The following AOPEP variants were observed in gnomAD, a reference collection of about 807,000 sequenced individuals.
AOPEP encodes the protein aminopeptidase O (putative).
In AOPEP, 77 loss-of-function variants were observed where a neutral mutation model predicts 98.1. The ratio of observed to expected loss-of-function variants is 0.78; its 90% CI spans 0.65 to 0.95. The LOEUF (loss-of-function observed/expected upper bound fraction) is 0.95. Among genes scored for constraint, AOPEP ranks in the 40% least tolerant of loss-of-function variants. The probability of loss-of-function intolerance (pLI) is 0.00; values close to 1 mark genes in which losing one functional copy is unlikely to be tolerated. For missense variants in AOPEP, 1,024 were observed against 1,024.7 expected (o/e 1.00, Z 0.01); for synonymous variants, 346 against 365.3 (o/e 0.95, Z 0.60).
intron 5 of AOPEP, among the ~76,000 whole-genome samples, chr9:94,914,091 G>A (rs747786629): frequency 2.0e-5 from 3 of 152,184 alleles, no homozygotes; most frequent in Non-Finnish European, 4.4e-5. Flanking sequence ...TAAGGGGCCA[G>A]GCAGCAATAT....
At chr9:95,034,548 G>A (rs1202785452) in intron 13 of AOPEP, among the ~76,000 whole-genome samples, 2 of 152,232 alleles carry the variant, frequency 1.3e-5, no homozygotes, top group Non-Finnish European at 1.5e-5. Context: ...ATTTGAAAAG[G>A]AGAGATAATC....
At chr9:94,860,420 C>T (rs1488892649) in intron 5 of AOPEP, among the ~76,000 whole-genome samples, 5 of 152,040 alleles carry the variant, frequency 3.3e-5, no homozygotes, top group African/African-American at 9.7e-5. Flanking sequence ...GTGGGCAGGT[C>T]GTGACCTGGC....
At chr9:95,046,504 A>T (rs1168859474) in intron 13 of AOPEP, among the ~76,000 whole-genome samples, 2 of 152,188 alleles carry the variant, frequency 1.3e-5, no homozygotes, top group Non-Finnish European at 2.9e-5. Context: ...TTTTTAAGGG[A>T]ATTATATTTA....
At chr9:95,075,552 A>G (rs947198393) in intron 14 of AOPEP, among the ~76,000 whole-genome samples, 1 of 152,214 alleles carries the variant, frequency 6.6e-6, no homozygotes, top group Non-Finnish European at 1.5e-5. Flanking sequence ...GGTAAAGAAT[A>G]TGAATAGACA....
chr9:94,759,108 C>G (rs1837694317), intron 1 of AOPEP, among the ~76,000 whole-genome samples: 2 of 152,084 alleles, frequency 1.3e-5, no homozygotes, highest in African/African-American at 4.8e-5. Context: ...GGCTCATTTT[C>G]CTGTAATTTA....
rs905136220 is a variant in AOPEP at position 94,980,364 on chromosome 9, G to A, written c.1977+937G>A. ...GTCATGGGCCTTGGCATCTGGGGGC[G>A]GTCCCGTGTGGTGAGGCAGGCCCTG... On this transcript the variant is annotated intron_variant, in intron 11 of 16. Transcript: ENST00000375315. The surrounding 1 kb of genome is among the most constrained non-coding windows in gnomAD (Gnocchi z 4.3). 1.2e-4 allele frequency among the ~76,000 whole-genome samples: 19 copies of A among 152,346 alleles called. No homozygotes were observed. The highest frequency in any genetic ancestry group is 2.9e-4 in the African/African-American group (12 of 41,584).
chr9:94,977,984 G>A (rs1418504475), intron 10 of AOPEP, among the ~76,000 whole-genome samples: 2 of 152,150 alleles, frequency 1.3e-5, no homozygotes, highest in East Asian at 1.9e-4. Flanking sequence ...TAGGGAGGAC[G>A]AGGGGCACCA....
At chr9:94,932,837 A>C (rs945391380) in intron 7 of AOPEP, 90 of 985,186 alleles carry the variant, frequency 9.1e-5, no homozygotes, top group Non-Finnish European at 9.9e-5. Context: ...GATGTGTCTG[A>C]GATTGACTTC....
At chr9:94,991,926 C>G (rs572107385) in intron 11 of AOPEP, among the ~76,000 whole-genome samples, 10 of 152,344 alleles carry the variant, frequency 6.6e-5, no homozygotes, top group African/African-American at 2.4e-4. Flanking sequence ...TGGAAAGATA[C>G]AGCCATTCCT....
At chr9:94,943,824 G>A (rs1479826678) in intron 7 of AOPEP, among the ~76,000 whole-genome samples, 2 of 148,320 alleles carry the variant, frequency 1.3e-5, no homozygotes, top group Admixed American at 1.4e-4. Flanking sequence ...GGAGGCTGAG[G>A]CAGGAGAATC....
chr9:95,061,345 G>T lies in AOPEP; in HGVS notation c.2232+535G>T, dbSNP rs144984971. Among the ~76,000 whole-genome samples, 590 of 152,234 alleles carry T rather than the reference G, an allele frequency of 3.9e-3. 17 individuals are homozygous for T. The East Asian group carries it at 0.051, about 13-fold the overall frequency. ...TGTGAATCCTAAGACAAATTCCAGGGTTTTAAAAAAATACAAAATAGTAAA... is the reference window on the plus strand; with the variant it reads ...TGTGAATCCTAAGACAAATTCCAGGTTTTTAAAAAAATACAAAATAGTAAA... On this transcript the variant is annotated intron_variant, in intron 14 of 16. Transcript: ENST00000375315.
chr9:94,975,352 G>A (rs2059778278), intron 10 of AOPEP, among the ~76,000 whole-genome samples: 1 of 152,194 alleles, frequency 6.6e-6, no homozygotes, highest in South Asian at 2.1e-4. Flanking sequence ...TCAATAAGCA[G>A]TAGCTTCTAG....
In AOPEP at chr9:95,085,836, A is replaced by G. The variant is rs111914249; in HGVS notation, c.*5-846A>G. The G allele has an allele frequency of 3.9e-3, 4,250 of 1,102,138 alleles. 138 individuals carry two copies. In the East Asian group the frequency reaches 0.07, roughly 18 times the overall value. The allele number at this position is 1,102,138 out of a possible 1,614,324, so 68.3% of individuals were successfully genotyped here. A position where few individuals can be genotyped will look rare whatever the true frequency, so the allele number is the denominator to read the frequency against. ...TGCATCACCTAAGTCGTGTGAAATC[A>G]TGTGGTAGCTCATGGCTGTGAGCGG... is the stretch of plus-strand genomic sequence containing the variant. On this transcript the variant is annotated intron_variant, in intron 16 of 16. Transcript: ENST00000375315.
At chr9:94,902,993 T>A (rs1347928006) in intron 5 of AOPEP, among the ~76,000 whole-genome samples, 1 of 39,830 alleles carries the variant, frequency 2.5e-5, no homozygotes, top group Non-Finnish European at 4.7e-5. Context: ...GATTTTTTTT[T>A]TTTTGAAGAC....
the AOPEP span, among the ~76,000 whole-genome samples, chr9:95,139,692 G>A: frequency 3.3e-5 from 5 of 151,712 alleles, no homozygotes; most frequent in East Asian, 9.8e-4. Flanking sequence ...AGCAGACAAT[G>A]GCTTTATATG....
At chr9:94,958,555 G>A (rs2058619436) in intron 9 of AOPEP, among the ~76,000 whole-genome samples, 2 of 152,076 alleles carry the variant, frequency 1.3e-5, no homozygotes, top group Admixed American at 6.5e-5. Flanking sequence ...AACACTTAAT[G>A]CCCTCTGGAT....
At chr9:95,101,366 G>C in the AOPEP span, 1 of 407,650 alleles carries the variant, frequency 2.5e-6, no homozygotes, top group Admixed American at 3.8e-5. Flanking sequence ...TTAAATAATA[G>C]ATGTGCAGCT....
At chr9:95,002,117 A>G (rs2061600711) in intron 11 of AOPEP, among the ~76,000 whole-genome samples, 1 of 152,142 alleles carries the variant, frequency 6.6e-6, no homozygotes, top group South Asian at 2.1e-4. Context: ...CTAATATCCC[A>G]TGGTCTCCCT....
At chr9:94,820,532 A>G (rs1003234170) in intron 5 of AOPEP, among the ~76,000 whole-genome samples, 2 of 152,208 alleles carry the variant, frequency 1.3e-5, no homozygotes, top group Non-Finnish European at 2.9e-5. Flanking sequence ...ATTCTAGTCT[A>G]TGGATGCTCT....
Sources: allele counts gnomAD v4.1 joint callset (sites outside exome capture counted in the v4.1 genomes callset), GRCh38; gene constraint gnomAD v4.1.1; non-coding constraint Gnocchi (gnomAD v3.1); transcripts MANE v1.5; gene names NCBI Gene and HGNC (gene_info 2026-07-23, HGNC 2026-07-21).